CYRIB: variants seen among roughly 807,000 people sequenced by gnomAD.
The protein encoded by CYRIB is CYFIP related Rac1 interactor B.
CYRIB carries 8 observed loss-of-function variants against 44.2 expected under a neutral mutation model. The observed-to-expected ratio is 0.18, with a 90% CI of 0.11 to 0.33. The LOEUF (loss-of-function observed/expected upper bound fraction) is 0.33. CYRIB is among the 10% of genes least tolerant of loss of function. CYRIB has a pLI of 1.00. For synonymous variants in CYRIB, 131 were observed against 127.2 expected (o/e 1.03, Z -0.20); for missense variants, 185 against 382.8 (o/e 0.48, Z 4.31).
intron 1 of CYRIB, among the ~76,000 whole-genome samples, chr8:129,924,073 C>A (rs972899280): frequency 3.5e-5 from 5 of 141,442 alleles, no homozygotes; most frequent in Non-Finnish European, 7.5e-5. Context: ...AAATTTGAGA[C>A]CAGCCTGGGC....
chr8:130,016,117 C>T (rs1387572215), intron 1 of CYRIB, among the ~76,000 whole-genome samples: 1 of 148,748 alleles, frequency 6.7e-6, no homozygotes, highest in Non-Finnish European at 1.5e-5. Flanking sequence ...CGCGTCCGCC[C>T]GCCGCCCCCC....
intron 1 of CYRIB, among the ~76,000 whole-genome samples, chr8:129,997,217 T>G (rs2096794970): frequency 6.6e-6 from 1 of 151,976 alleles, no homozygotes; most frequent in Non-Finnish European, 1.5e-5. Flanking sequence ...CATGGTCTAT[T>G]GGGGGCGAGG....
chr8:129,861,118 A>C (rs1277729037), intron 5 of CYRIB, among the ~76,000 whole-genome samples: 1 of 152,230 alleles, frequency 6.6e-6, no homozygotes, highest in Non-Finnish European at 1.5e-5. Flanking sequence ...ACTATATGGA[A>C]GTACGTGTTT....
intron 7 of CYRIB, among the ~76,000 whole-genome samples, chr8:129,853,506 T>C (rs2044460304): frequency 6.6e-6 from 1 of 152,222 alleles, no homozygotes; most frequent in African/African-American, 2.4e-5. Context: ...ACTCCTTACA[T>C]AGTTACAGTA....
intron 4 of CYRIB, among the ~76,000 whole-genome samples, chr8:129,869,252 G>A (rs1295250186): frequency 6.6e-6 from 1 of 151,424 alleles, no homozygotes; most frequent in Non-Finnish European, 1.5e-5. Flanking sequence ...TGGGCATGGT[G>A]GTGCATGCCT....
chr8:129,965,603 T>C (rs1412367242), intron 2 of CYRIB, among the ~76,000 whole-genome samples: 1 of 151,896 alleles, frequency 6.6e-6, no homozygotes, highest in South Asian at 2.1e-4. Flanking sequence ...GAGACCGTCC[T>C]GGCTAACACG....
chr8:129,891,493 G>C (rs1332654743), intron 2 of CYRIB, among the ~76,000 whole-genome samples: 1 of 152,188 alleles, frequency 6.6e-6, no homozygotes, highest in African/African-American at 2.4e-5. Flanking sequence ...AAGAGACAGA[G>C]AGATTAGTAC....
chr8:129,957,851 G>A (rs1024849286), intron 2 of CYRIB, among the ~76,000 whole-genome samples: 1 of 151,180 alleles, frequency 6.6e-6, no homozygotes, highest in African/African-American at 2.4e-5. Context: ...TATAGTCCCA[G>A]CTACTTAGGA....
At chr8:129,983,710 C>CGGGGACGCT (rs1320201849) in intron 1 of CYRIB, among the ~76,000 whole-genome samples, 27 of 152,100 alleles carry the variant, frequency 1.8e-4, no homozygotes, top group Non-Finnish European at 4.0e-4. Flanking sequence ...CACAGGGATG[C>CGGGGACGCT]GGGGACGCTG....
At chr8:129,869,565 T>A (rs79013261) in intron 4 of CYRIB, among the ~76,000 whole-genome samples, 2,719 of 152,236 alleles carry the variant, frequency 0.018, 97 homozygotes, top group African/African-American at 0.062. Context: ...TTAATTAAGA[T>A]CCTACTAAAT....
intron 2 of CYRIB, among the ~76,000 whole-genome samples, chr8:129,952,115 G>A (rs1350514636): frequency 6.6e-6 from 1 of 152,142 alleles, no homozygotes; most frequent in South Asian, 2.1e-4. Flanking sequence ...GTGCAATCTC[G>A]GCTTACCGCA....
intron 2 of CYRIB, among the ~76,000 whole-genome samples, chr8:129,899,076 C>T (rs1478360447): frequency 2.0e-5 from 3 of 152,156 alleles, no homozygotes; most frequent in African/African-American, 7.2e-5. Flanking sequence ...GTTGACCAGG[C>T]TGATCTCGAA....
At chr8:129,877,696 GTA>G (rs1204128840) in intron 3 of CYRIB, among the ~76,000 whole-genome samples, 3 of 142,062 alleles carry the variant, frequency 2.1e-5, no homozygotes, top group Non-Finnish European at 4.6e-5. Flanking sequence ...GTGTGTGTGT[GTA>G]TAAAATGATC....
intron 2 of CYRIB, chr8:129,896,923 T>A (rs2068370591): frequency 6.6e-6 from 1 of 152,256 alleles, no homozygotes; most frequent in South Asian, 2.1e-4. Context: ...GTCACCTCAC[T>A]ATGACTGAAA....
chr8:129,960,621 T>G (rs796501576), intron 2 of CYRIB, among the ~76,000 whole-genome samples: 7 of 126,790 alleles, frequency 5.5e-5, no homozygotes, highest in African/African-American at 2.1e-4. Flanking sequence ...CTTTCCAGCC[T>G]GGGCGGCAGA....
intron 1 of CYRIB, among the ~76,000 whole-genome samples, chr8:129,914,521 T>C (rs2079703745): frequency 6.6e-6 from 1 of 152,176 alleles, no homozygotes; most frequent in Non-Finnish European, 1.5e-5. Flanking sequence ...ATTAACAACT[T>C]GTCCAAGGCC....
chr8:129,983,135 GCTCT>G (rs2096305585), intron 1 of CYRIB, among the ~76,000 whole-genome samples: 1 of 151,934 alleles, frequency 6.6e-6, no homozygotes. Flanking sequence ...ACTGCAAGAC[GCTCT>G]CTCTATTAAA....
At position 130,009,393 on chromosome 8, in the gene CYRIB, G is replaced by A. The variant is rs186795017; in HGVS notation, c.-296+6977C>T. ...AGCAATTCTCCTGCCTCAGCCTCCC[G>A]AGTAGCTGGGATTACAGGTGCCAGC... On this transcript the variant is annotated intron_variant, in intron 1 of 14. Coordinates refer to the CYRIB transcript ENST00000401979. Among the ~76,000 whole-genome samples the A allele has an allele frequency of 6.8e-3, 1,005 of 147,170 alleles. 8 individuals are homozygous for A. Among genetic ancestry groups the A allele is most frequent in the Middle Eastern group, 0.024 (7 of 288 alleles).
intron 1 of CYRIB, among the ~76,000 whole-genome samples, chr8:130,006,596 A>ATATATATATACATATATATGTG (rs2097086431): frequency 2.3e-5 from 1 of 42,782 alleles, no homozygotes; most frequent in East Asian, 6.5e-4. Flanking sequence ...AACACAAATT[A>ATATATATATACATATATATGTG]TATATATATA....
Sources: gnomAD v4.1 joint callset for allele counts (sites outside exome capture counted in the v4.1 genomes callset) on GRCh38, gnomAD v4.1.1 for gene constraint, MANE v1.5 for transcripts, NCBI Gene and HGNC (gene_info 2026-07-23, HGNC 2026-07-21) for gene names.